CIT: variants seen among roughly 807,000 people sequenced by gnomAD.
CIT encodes the protein citron Rho-interacting kinase.
Under a neutral mutation model 272.7 loss-of-function variants are expected in CIT, and 79 were observed. That is an observed-to-expected ratio of 0.29 (90% CI 0.24 to 0.35). The LOEUF (loss-of-function observed/expected upper bound fraction) is 0.35, where lower values mean the gene tolerates loss of function less well. Ranked by LOEUF, CIT falls within the 10% of genes least tolerant of loss-of-function variation. The pLI is 1.00. For missense variants in CIT, 1,909 were observed against 2,618.3 expected, an observed-to-expected ratio of 0.73 and a Z score of 5.91; for synonymous variants, 948 against 995.6, an observed-to-expected ratio of 0.95 and a Z score of 0.90.
intron 32 of CIT, among the ~76,000 whole-genome samples, chr12:119,716,776 C>T (rs945664986): frequency 1.1e-4 from 16 of 152,132 alleles, no homozygotes; most frequent in African/African-American, 3.6e-4. Context: ...GGCACAACAC[C>T]CACAGAGGCA....
chr12:119,761,073 G>T lies in CIT; in HGVS notation c.2305-18C>A. The T allele has an allele frequency of 6.4e-7, 1 of 1,563,428 alleles. No homozygotes were observed. The highest frequency in any genetic ancestry group is 8.8e-7 in the Non-Finnish European group (1 of 1,133,914). ...TCCAACACCTACAAAAACAAAAGCA[G>T]CAGCAAATGTTCTCAGGAGCCAAGC... On this transcript the variant is annotated intron_variant, in intron 19 of 47. Transcript: ENST00000392521.
At chr12:119,719,480 C>G (rs1957719443) in intron 30 of CIT, among the ~76,000 whole-genome samples, 1 of 152,020 alleles carries the variant, frequency 6.6e-6, no homozygotes, top group African/African-American at 2.4e-5. Flanking sequence ...AACCAGGTAA[C>G]AGTTCACTGC....
chr12:119,851,263 T>C (rs1566125867), intron 4 of CIT, among the ~76,000 whole-genome samples: 1 of 152,156 alleles, frequency 6.6e-6, no homozygotes, highest in Non-Finnish European at 1.5e-5. Flanking sequence ...ATAGATGTAA[T>C]GTATATGTGT....
chr12:119,837,134 C>T (rs1271442308), intron 5 of CIT, among the ~76,000 whole-genome samples: 3 of 152,242 alleles, frequency 2.0e-5, no homozygotes, highest in Non-Finnish European at 2.9e-5. Flanking sequence ...GCTAATCAAA[C>T]TTGACCCACC....
intron 13 of CIT, among the ~76,000 whole-genome samples, chr12:119,781,524 T>C (rs1166171237): frequency 6.6e-6 from 1 of 152,246 alleles, no homozygotes; most frequent in Non-Finnish European, 1.5e-5. Context: ...TGGCAGCTGA[T>C]AGTTCAGCTC....
Position 119,734,313 on chromosome 12 carries a change from C to G in CIT, c.3201G>C (p.Gln1067His). 1 of 1,613,958 alleles carries G rather than the reference C, an allele frequency of 6.2e-7. No homozygotes were observed. Among genetic ancestry groups the G allele is most frequent in the Non-Finnish European group, 8.5e-7 (1 of 1,180,022 alleles). Residue 1067 changes from glutamine (Q) to histidine (H), a missense_variant, in exon 26 of 48, where the codon CAG becomes CAC. Around this residue, in one of 8 missense-constraint regions of CIT, gnomAD observed 530 missense variants for 822.4 expected, o/e 0.64. Transcript: ENST00000392521. ...LKTTCTMLEE[Q>H]VMDLEALNDE... is the part of the protein sequence containing the mutation. Reference sequence around the variant, plus strand: ...CGTTTAGGGCCTCCAAATCCATGACCTGTTCCTCCAGCATGGTGCACGTGG... The same window carrying G: ...CGTTTAGGGCCTCCAAATCCATGACGTGTTCCTCCAGCATGGTGCACGTGG...
At chr12:119,837,665 T>C (rs1261167759) in intron 5 of CIT, among the ~76,000 whole-genome samples, 2 of 152,244 alleles carry the variant, frequency 1.3e-5, no homozygotes, top group Admixed American at 6.5e-5. Flanking sequence ...AGTAAGGCAC[T>C]GATTCTAAAA....
intron 16 of CIT, 140 bp from the exon 17 acceptor site, chr12:119,773,050 AATTT>A: frequency 1.3e-6 from 1 of 794,238 alleles, no homozygotes. Context: ...CAGTGTCCTA[AATTT>A]AAAAAGCAGG....
At chr12:119,766,993 G>T in intron 19 of CIT, 94 bp downstream of exon 19, 1 of 782,862 alleles carries the variant, frequency 1.3e-6, no homozygotes, top group Non-Finnish European at 1.9e-6. Context: ...CAGTACTTTG[G>T]TCCAGCAAGA....
At chr12:119,862,344 C>T (rs1328537436) in intron 3 of CIT, among the ~76,000 whole-genome samples, 1 of 152,080 alleles carries the variant, frequency 6.6e-6, no homozygotes, top group African/African-American at 2.4e-5. Flanking sequence ...TTAAGGCACA[C>T]ACACACACAA....
chr12:119,802,693 C>T (rs969821042), intron 10 of CIT, among the ~76,000 whole-genome samples: 4 of 152,226 alleles, frequency 2.6e-5, no homozygotes, highest in Admixed American at 6.5e-5. Flanking sequence ...AGCACCATCT[C>T]TCTGTTAGAG....
chr12:119,801,712 C>A (rs1048377489), intron 10 of CIT, among the ~76,000 whole-genome samples: 1 of 152,206 alleles, frequency 6.6e-6, no homozygotes, highest in Non-Finnish European at 1.5e-5. Context: ...CTCTTTGATG[C>A]CAATGGCAAA....
At chr12:119,759,915 G>C (rs188670700) in intron 20 of CIT, among the ~76,000 whole-genome samples, 1 of 151,968 alleles carries the variant, frequency 6.6e-6, no homozygotes, top group Non-Finnish European at 1.5e-5. Flanking sequence ...GGTCGGGCGC[G>C]GTGGCTCGTA....
At chr12:119,832,631 T>C in intron 7 of CIT, 140 bp downstream of exon 7, 1 of 611,880 alleles carries the variant, frequency 1.6e-6, no homozygotes, top group East Asian at 2.9e-5. Context: ...AATGGTTCTG[T>C]GTCCCTGTCC....
rs1482449177 is a variant in CIT at position 119,710,453 on chromosome 12, G to GAGC, written c.4936-70_4936-68dup. 1 of 1,612,682 alleles carries GAGC rather than the reference G, an allele frequency of 6.2e-7. No individual in the cohort carries two copies. The highest frequency in any genetic ancestry group is 2.2e-5 in the East Asian group (1 of 44,880). On this transcript the variant is annotated intron_variant, in intron 38 of 47. Transcript: ENST00000392521. The surrounding 1 kb of genome is among the most constrained non-coding windows in gnomAD (Gnocchi z 5.6). ...ACGTCACCAGAACAATCTCTAGTAA[G>GAGC]AGCAACAAGGCCTCCACAGCCCTTT...
intron 7 of CIT, among the ~76,000 whole-genome samples, chr12:119,828,309 A>C (rs1968330771): frequency 6.6e-6 from 1 of 152,210 alleles, no homozygotes; most frequent in Non-Finnish European, 1.5e-5. Context: ...CTAAGTGTGT[A>C]ATAGTAATTA....
chr12:119,756,348 G>A (rs1960981779), intron 22 of CIT, among the ~76,000 whole-genome samples: 1 of 152,242 alleles, frequency 6.6e-6, no homozygotes, highest in Non-Finnish European at 1.5e-5. Context: ...CAGGGTGGGA[G>A]TGGCCCCAGC....
chr12:119,872,735 A>G (rs1186503084), intron 2 of CIT, among the ~76,000 whole-genome samples: 1 of 152,114 alleles, frequency 6.6e-6, no homozygotes, highest in African/African-American at 2.4e-5. Flanking sequence ...TGCAAAACCC[A>G]ACGTGTATGA....
At chr12:119,774,093 A>G (rs977003985) in intron 16 of CIT, among the ~76,000 whole-genome samples, 1 of 152,210 alleles carries the variant, frequency 6.6e-6, no homozygotes, top group East Asian at 1.9e-4. Flanking sequence ...TGAGGTATAT[A>G]AAGTAGTCAA....
Sources: gnomAD v4.1 joint callset for allele counts (sites outside exome capture counted in the v4.1 genomes callset) on GRCh38, gnomAD v4.1.1 for gene constraint, gnomAD v4.1.1 regional missense constraint, Gnocchi (gnomAD v3.1) non-coding constraint, MANE v1.5 for transcripts, NCBI Gene and HGNC (gene_info 2026-07-23, HGNC 2026-07-21) for gene names.